The following SLC27A2 variants were observed in gnomAD, a reference collection of about 807,000 sequenced individuals.
SLC27A2 encodes solute carrier family 27 member 2, also known as long-chain fatty acid transport protein 2.
SLC27A2 carries 54 observed loss-of-function variants against 60.0 expected under a neutral mutation model. That is an observed-to-expected ratio of 0.90 (90% confidence interval 0.72 to 1.13). The LOEUF is 1.13. Ranked by LOEUF, SLC27A2 falls within the 50% of genes most tolerant of loss-of-function variation. SLC27A2 has a pLI of 0.00. For missense variants in SLC27A2, 739 were observed against 777.6 expected (o/e 0.95, Z 0.59); for synonymous variants, 297 against 297.6 (o/e 1.00, Z 0.02).
chr15:50,216,610 G>GTGTATA (rs1323910367), intron 4 of SLC27A2, among the ~76,000 whole-genome samples: 15 of 66,478 alleles, frequency 2.3e-4, no homozygotes, highest in Non-Finnish European at 3.3e-4. Flanking sequence ...GTGTGTGTGT[G>GTGTATA]TATATATATA....
intron 7 of SLC27A2, among the ~76,000 whole-genome samples, chr15:50,228,130 C>A (rs2045290051): frequency 6.6e-6 from 1 of 152,124 alleles, no homozygotes; most frequent in Non-Finnish European, 1.5e-5. Flanking sequence ...GTAATCCCAG[C>A]AGTTTGGGAG....
rs2045033917 is a variant in SLC27A2, at chr15:50,197,607, G to C, written c.586G>C (p.Asp196His). 1.2e-6 allele frequency: 2 copies of C among 1,614,060 alleles called. No individual in the cohort carries two copies. Among genetic ancestry groups the C allele is most frequent in the Non-Finnish European group, 1.7e-6 (2 of 1,179,974 alleles). The change falls in exon 2 of 10, where the codon GAC becomes CAC. Residue 196 changes from aspartate to histidine, a missense_variant. Coordinates refer to ENST00000267842, the MANE Select transcript of SLC27A2 (RefSeq NM_003645.4). ...SNTDGIDSFL[D>H]KVDEVSTEPI... ...CACAGATGGGATTGACTCTTTCCTG[G>C]ACAAAGTGGATGAAGTATCAACTGA...
chr15:50,192,451 G>A (rs1439422836), intron 1 of SLC27A2, among the ~76,000 whole-genome samples: 1 of 152,202 alleles, frequency 6.6e-6, no homozygotes, highest in African/African-American at 2.4e-5. Context: ...ATGAGGTGAA[G>A]TTGCTTGGAC....
At chr15:50,203,020 A>AAAAAAAT (rs369562703) in intron 3 of SLC27A2, among the ~76,000 whole-genome samples, 1 of 147,724 alleles carries the variant, frequency 6.8e-6, no homozygotes, top group South Asian at 2.1e-4. Context: ...CTCTAAAAAA[A>AAAAAAAT]ATATATATAT....
intron 4 of SLC27A2, among the ~76,000 whole-genome samples, chr15:50,210,624 G>T (rs1318332823): frequency 6.6e-6 from 1 of 152,188 alleles, no homozygotes; most frequent in Non-Finnish European, 1.5e-5. Flanking sequence ...TTTGAACGGG[G>T]CAAGAAGACT....
chr15:50,223,523 A>G (rs754411208), intron 5 of SLC27A2, among the ~76,000 whole-genome samples: 5 of 149,252 alleles, frequency 3.4e-5, no homozygotes, highest in African/African-American at 4.9e-5. Context: ...GTCGTGCAGC[A>G]CCATCACCTG....
chr15:50,226,142 G>A, intron 6 of SLC27A2, 64 bp downstream of exon 6: 1 of 1,023,676 alleles, frequency 9.8e-7, no homozygotes, highest in South Asian at 1.3e-5. Flanking sequence ...GACTTTTAAG[G>A]ACTAACATAT....
intron 4 of SLC27A2, among the ~76,000 whole-genome samples, chr15:50,222,689 T>C (rs1204404681): frequency 1.3e-5 from 2 of 152,204 alleles, no homozygotes; most frequent in African/African-American, 4.8e-5. Flanking sequence ...CTCATCTGGC[T>C]CCTTAGAAAC....
At chr15:50,235,684 G>T (rs1421574640) in intron 9 of SLC27A2, among the ~76,000 whole-genome samples, 1 of 152,132 alleles carries the variant, frequency 6.6e-6, no homozygotes. Context: ...ACTATTCCAC[G>T]ATGTATATGT....
intron 3 of SLC27A2, among the ~76,000 whole-genome samples, chr15:50,203,362 T>C (rs2045081341): frequency 1.8e-5 from 2 of 109,638 alleles, no homozygotes; most frequent in South Asian, 6.6e-4. Flanking sequence ...GGAGAGAAGA[T>C]GGCAACTCCA....
At chr15:50,218,145 G>C (rs1595689736) in intron 4 of SLC27A2, among the ~76,000 whole-genome samples, 1 of 146,790 alleles carries the variant, frequency 6.8e-6, no homozygotes, top group Non-Finnish European at 1.5e-5. Flanking sequence ...AGAAGATATT[G>C]TATCCATAAA....
chr15:50,196,130 G>T (rs747860793), intron 1 of SLC27A2, among the ~76,000 whole-genome samples: 2 of 94,642 alleles, frequency 2.1e-5, no homozygotes, highest in Admixed American at 1.3e-4. Context: ...ATATATGTAT[G>T]TACATTCACT....
At position 50,193,975 on chromosome 15, in the gene SLC27A2, G is replaced by A. The variant is rs115536864; in HGVS notation, c.479-3525G>A. 1.3e-3 allele frequency among the ~76,000 whole-genome samples: 199 copies of A among 152,168 alleles called. 2 individuals are homozygous for A. The highest frequency in any genetic ancestry group is 4.5e-3 in the African/African-American group (188 of 41,510). ...CAAGTTTCAGATCAGCCTGGGCAAC[G>A]TAGCGGGACATCATCTCTACAAAAA... On this transcript the variant is annotated intron_variant, in intron 1 of 9. Coordinates refer to ENST00000267842, the MANE Select transcript of SLC27A2 (RefSeq NM_003645.4).
intron 5 of SLC27A2, among the ~76,000 whole-genome samples, chr15:50,224,945 C>G (rs1205469705): frequency 2.6e-5 from 4 of 152,068 alleles, no homozygotes; most frequent in Admixed American, 6.6e-5. Flanking sequence ...TCTTTACTTT[C>G]TCATCCATTG....
At chr15:50,196,179 G>A (rs2045022185) in intron 1 of SLC27A2, among the ~76,000 whole-genome samples, 1 of 135,236 alleles carries the variant, frequency 7.4e-6, no homozygotes, top group East Asian at 2.3e-4. Flanking sequence ...CTTAAAAGCA[G>A]TCTCACTTTA....
chr15:50,215,261 G>C (rs1813333681), intron 4 of SLC27A2, among the ~76,000 whole-genome samples: 2 of 151,996 alleles, frequency 1.3e-5, no homozygotes, highest in South Asian at 2.1e-4. Context: ...TCTAACCAAG[G>C]AGTCAAAAGG....
At chr15:50,234,240 G>A (rs2045334504) in intron 9 of SLC27A2, among the ~76,000 whole-genome samples, 1 of 152,148 alleles carries the variant, frequency 6.6e-6, no homozygotes, top group South Asian at 2.1e-4. Context: ...GAGCTCAGGA[G>A]TTTGAGACCA....
chr15:50,189,750 A>G (rs2044958710), intron 1 of SLC27A2, among the ~76,000 whole-genome samples: 1 of 152,166 alleles, frequency 6.6e-6, no homozygotes, highest in Non-Finnish European at 1.5e-5. Context: ...TTTGAAAAGG[A>G]CCTTCCCACA....
chr15:50,199,818 C>T (rs2045050922), intron 2 of SLC27A2, among the ~76,000 whole-genome samples: 1 of 151,990 alleles, frequency 6.6e-6, no homozygotes, highest in Non-Finnish European at 1.5e-5. Context: ...GTCCTAGCTA[C>T]TTGGGAGACT....
Sources: gnomAD v4.1 joint callset for allele counts (sites outside exome capture counted in the v4.1 genomes callset) on GRCh38, gnomAD v4.1.1 for gene constraint, MANE v1.5 for transcripts, NCBI Gene and HGNC (gene_info 2026-07-23, HGNC 2026-07-21) for gene names.